Variants in NID1 observed in about 807,000 individuals in gnomAD.
NID1 encodes nidogen-1.
Under a neutral mutation model 130.6 loss-of-function variants are expected in NID1, and 76 were observed. The observed-to-expected ratio is 0.58, with a 90% CI of 0.48 to 0.70. NID1 has a LOEUF of 0.70. Ranked by LOEUF, NID1 falls within the 30% of genes least tolerant of loss-of-function variation. The pLI is 0.00. For missense variants in NID1, 1,517 were observed against 1,664.8 expected, an observed-to-expected ratio of 0.91 and a Z score of 1.54; for synonymous variants, 665 against 675.1, an observed-to-expected ratio of 0.98 and a Z score of 0.23.
intron 3 of NID1, 147 bp from the exon 4 acceptor site, chr1:236,042,439 C>G (rs901933437): frequency 1.9e-6 from 2 of 1,039,796 alleles, no homozygotes; most frequent in East Asian, 4.9e-5. Flanking sequence ...CACTGGCCGT[C>G]ATGTCTGGGC....
At chr1:235,985,535 T>C (rs1221929650) in intron 14 of NID1, 30 bp from the exon 15 acceptor site, 1 of 1,613,374 alleles carries the variant, frequency 6.2e-7, no homozygotes, top group South Asian at 1.1e-5. Context: ...GTTAGAATGG[T>C]CCATCTACAA....
At position 235,976,029 on chromosome 1, in the gene NID1, CATG is replaced by C. The variant is rs1255044069; in HGVS notation, c.*1835_*1837del. 2.6e-5 allele frequency: 4 copies of C among 152,234 alleles called. No individual in the cohort carries two copies. Among genetic ancestry groups the C allele is most frequent in the African/African-American group, 7.3e-5 (3 of 41,338 alleles). The allele number at this position is 152,234 out of a possible 1,614,324, so 9.4% of individuals were successfully genotyped here. A position where few individuals can be genotyped will look rare whatever the true frequency, so the allele number is the denominator to read the frequency against. On this transcript the variant is annotated 3_prime_UTR_variant, in exon 20 of 20. Transcript: ENST00000264187. ...AATAGTTATAAAAATCATACAAAATCATGATGAACATTTGATATAGAGGGTTTA... is the reference window on the plus strand; with the variant it reads ...AATAGTTATAAAAATCATACAAAATCATGAACATTTGATATAGAGGGTTTA...
rs1241409932 is a variant in NID1, at chr1:235,993,801, G to A, written c.2599C>T (p.Arg867Ter). The change falls in exon 13 of 20, where the codon CGA becomes TGA. Residue 867 changes from arginine (R) to a stop codon, truncating the protein, a stop_gained. Coordinates refer to ENST00000264187, the MANE Select transcript of NID1 (RefSeq NM_002508.3). LOFTEE classifies it high-confidence loss of function. ...ACGAACAGCCCCGGAGGAATGGGTC[G>A]CTGTGGGTCTGTCGCCCCCGCTGCC... ...LGAAGATDPQ[R>*]PIPPGLFVPE... The A allele has an allele frequency of 1.9e-6, 3 of 1,614,162 alleles. No individual in the cohort carries two copies. The highest frequency in any genetic ancestry group is 1.7e-5 in the Admixed American group (1 of 60,028).
chr1:236,032,554 C>G lies in NID1; in HGVS notation c.1384G>C (p.Val462Leu). The G allele has an allele frequency of 6.2e-7, 1 of 1,614,078 alleles. No individual in the cohort carries two copies. The highest frequency in any genetic ancestry group is 8.5e-7 in the Non-Finnish European group (1 of 1,180,036). The change falls in exon 6 of 20, where the codon GTA becomes CTA. Residue 462 changes from valine to leucine, a missense_variant. By Grantham distance (32) the Val-to-Leu change is conservative. This residue lies in a region of NID1 where 1,329 missense variants were observed against 1,429.2 expected (regional missense o/e 0.93). Coordinates refer to ENST00000264187, the MANE Select transcript of NID1 (RefSeq NM_002508.3). The stretch of plus-strand genomic sequence containing the variant: ...TAGGAGCGCCCGTGGTTCATTACTA[C>G]GTAAGAGTGGAGGTCAGTGTTCTCA... Reference protein sequence around the residue: ...VFENTDLHSYVVMNHGRSYTA... With the variant: ...VFENTDLHSYLVMNHGRSYTA...
chr1:236,063,044 C>T (rs914231404), intron 1 of NID1, among the ~76,000 whole-genome samples: 6 of 150,190 alleles, frequency 4.0e-5, no homozygotes, highest in Non-Finnish European at 7.4e-5. Context: ...GTCCCACCTA[C>T]TCAGGAGGCT....
Position 235,993,720 on chromosome 1 carries a change from C to A in NID1, c.2680G>T (p.Gly894Cys). 1.2e-6 allele frequency: 2 copies of A among 1,610,854 alleles called. No homozygotes were observed. Among genetic ancestry groups the A allele is most frequent in the Non-Finnish European group, 1.7e-6 (2 of 1,178,144 alleles). Residue 894 changes from glycine (G) to cysteine (C), a missense_variant, in exon 13 of 20, where the codon GGC becomes TGC. Coordinates refer to ENST00000264187, the MANE Select transcript of NID1 (RefSeq NM_002508.3). ...YAPTQCHGST[G>C]YCWCVDRDGR... is the part of the protein sequence containing the mutation. ...TCGCGATCCACGCACCAGCAGTAGCCGGTGCTGCCGTGGCACTGGGTGGGC... is the reference window on the plus strand; with the variant it reads ...TCGCGATCCACGCACCAGCAGTAGCAGGTGCTGCCGTGGCACTGGGTGGGC...
At chr1:236,011,283 T>G (rs371905722) in intron 12 of NID1, among the ~76,000 whole-genome samples, 2 of 150,238 alleles carry the variant, frequency 1.3e-5, no homozygotes, top group African/African-American at 4.9e-5. Flanking sequence ...CAGTCTAAGG[T>G]GTCAAATATA....
intron 12 of NID1, among the ~76,000 whole-genome samples, chr1:235,996,635 G>A (rs1218437109): frequency 6.6e-6 from 1 of 152,050 alleles, no homozygotes; most frequent in Admixed American, 6.6e-5. Flanking sequence ...TAGAGGTGGT[G>A]TCTCACTAGG....
In NID1 at chr1:236,038,183, C is replaced by T. The variant is rs1412319397; in HGVS notation, c.1206G>A (p.Glu402=). Residue 402 remains glutamate, a synonymous_variant, in exon 5 of 20, where the codon GAG becomes GAA. Coordinates refer to ENST00000264187, the MANE Select transcript of NID1 (RefSeq NM_002508.3). ...AGAAGCCCGTGGCGTAGTCCCTGCA[C>T]TCTGCGTGCACCGAGCACTGGTGTC... is the stretch of plus-strand genomic sequence containing the variant. ...NNRHQCSVHA[E]CRDYATGFCC... 3 of 1,613,384 alleles carry T rather than the reference C, an allele frequency of 1.9e-6. No homozygotes were observed. In the African/African-American group the frequency reaches 4.0e-5, roughly 22 times the overall value.
In NID1 at chr1:236,037,383, C is replaced by T. The variant is rs1031056131; in HGVS notation, c.1285+721G>A. ...AACCATTAAGATAGGTCTGGCTGGG[C>T]GCGCTGGCTCACACCTGTAATCCCA... is the stretch of plus-strand genomic sequence containing the variant. On this transcript the variant is annotated intron_variant, in intron 5 of 19. Coordinates refer to ENST00000264187, the MANE Select transcript of NID1 (RefSeq NM_002508.3). Among the ~76,000 whole-genome samples, 16 of 152,156 alleles carry T rather than the reference C, an allele frequency of 1.1e-4. No homozygotes were observed. The East Asian group carries it at 1.2e-3, about 11-fold the overall frequency.
intron 13 of NID1, 70 bp from the exon 14 acceptor site, chr1:235,991,128 C>CA (rs569425269): frequency 0.18 from 235,458 of 1,297,886 alleles, 22,078 homozygotes; most frequent in East Asian, 0.58. Context: ...CACACACACA[C>CA]CCCCACACAC....
intron 8 of NID1, 87 bp from the exon 9 acceptor site, chr1:236,024,300 T>G (rs760127335): frequency 1.8e-5 from 27 of 1,495,284 alleles, no homozygotes; most frequent in Non-Finnish European, 2.3e-5. Flanking sequence ...CCACAACTGG[T>G]GAGCAAGAAG....
At chr1:236,059,151 T>G (rs920335520) in intron 1 of NID1, among the ~76,000 whole-genome samples, 1 of 152,222 alleles carries the variant, frequency 6.6e-6, no homozygotes, top group African/African-American at 2.4e-5. Context: ...AACACACATT[T>G]GCTGGAGTCC....
Position 236,064,874 on chromosome 1 carries a change from G to T in NID1, c.206C>A (p.Ser69Tyr). Reference sequence around the variant, plus strand: ...ACTCACGTAGACTGCGTCGATGTCGGATCTGTCGTAGAAGCGGAGCGCCCC... The same window carrying T: ...ACTCACGTAGACTGCGTCGATGTCGTATCTGTCGTAGAAGCGGAGCGCCCC... Reference protein sequence around the residue: ...LSGALRFYDRSDIDAVYVTTN... With the variant: ...LSGALRFYDRYDIDAVYVTTN... Residue 69 changes from serine (S) to tyrosine (Y), a missense_variant, in exon 1 of 20, where the codon TCC (serine) becomes TAC (tyrosine). This residue lies in a region of NID1 where 1,329 missense variants were observed against 1,429.2 expected (regional missense o/e 0.93). Coordinates refer to ENST00000264187, the MANE Select transcript of NID1 (RefSeq NM_002508.3). 1 of 1,612,112 alleles carries T rather than the reference G, an allele frequency of 6.2e-7. No homozygotes were observed. Among genetic ancestry groups the T allele is most frequent in the African/African-American group, 1.3e-5 (1 of 75,008 alleles).
At chr1:236,035,042 T>C (rs1460890372) in intron 5 of NID1, among the ~76,000 whole-genome samples, 1 of 146,856 alleles carries the variant, frequency 6.8e-6, no homozygotes, top group South Asian at 2.2e-4. Context: ...GTGCACATTG[T>C]GCAGGTTAGT....
Position 235,985,431 on chromosome 1 carries a change from G to A in NID1, c.3003C>T (p.Ser1001=). 6.2e-7 allele frequency: 1 copy of A among 1,614,074 alleles called. No individual in the cohort carries two copies. The highest frequency in any genetic ancestry group is 8.5e-7 in the Non-Finnish European group (1 of 1,179,964). The change falls in exon 15 of 20, where the codon TCC becomes TCT. Residue 1001 remains serine, a synonymous_variant. Transcript: ENST00000264187. ...MVYWTDITEP[S]IGRASLHGGE... is the part of the protein sequence containing the mutation. Reference sequence around the variant, plus strand: ...CACCATGTAGACTAGCTCTCCCAATGGAAGGCTCAGTGATGTCCGTCCAGT... The same window carrying A: ...CACCATGTAGACTAGCTCTCCCAATAGAAGGCTCAGTGATGTCCGTCCAGT...
intron 3 of NID1, among the ~76,000 whole-genome samples, chr1:236,044,074 T>C (rs558279553): frequency 4.5e-4 from 68 of 152,246 alleles, no homozygotes; most frequent in African/African-American, 1.6e-3. Context: ...AGAGGGGACA[T>C]ACATTACTCA....
intron 9 of NID1, 56 bp downstream of exon 9, chr1:236,024,014 A>G (rs1360924425): frequency 6.2e-7 from 1 of 1,601,730 alleles, no homozygotes. Flanking sequence ...CAGAACGTGG[A>G]TGCCTCCTCC....
At chr1:236,047,495 C>A (rs1659635883) in intron 2 of NID1, among the ~76,000 whole-genome samples, 1 of 152,174 alleles carries the variant, frequency 6.6e-6, no homozygotes, top group African/African-American at 2.4e-5. Flanking sequence ...GACCCTGCTT[C>A]CTTCAAGGGC....
Sources: allele counts gnomAD v4.1 joint callset (sites outside exome capture counted in the v4.1 genomes callset), GRCh38; gene constraint gnomAD v4.1.1; regional missense constraint gnomAD v4.1.1; transcripts MANE v1.5; gene names NCBI Gene and HGNC (gene_info 2026-07-23, HGNC 2026-07-21).